SIN3B: variants seen among roughly 807,000 people sequenced by gnomAD.
SIN3B encodes the protein SIN3 transcription regulator family member B.
A neutral mutation model predicts 120.2 loss-of-function variants in SIN3B; 19 were observed. The observed-to-expected ratio is 0.16, with a 90% CI of 0.11 to 0.23. The LOEUF is 0.23. Ranked by LOEUF, SIN3B falls within the 10% of genes least tolerant of loss-of-function variation. The pLI is 1.00. For synonymous variants in SIN3B, 654 were observed against 653.2 expected, an observed-to-expected ratio of 1.00 and a Z score of -0.02; for missense variants, 1,073 against 1,573.0, an observed-to-expected ratio of 0.68 and a Z score of 5.38.
intron 2 of SIN3B, among the ~76,000 whole-genome samples, chr19:16,830,271 TTGA>T (rs1306800918): frequency 6.6e-6 from 1 of 152,208 alleles, no homozygotes; most frequent in East Asian, 1.9e-4. Flanking sequence ...TGTTATTGTC[TTGA>T]TGATTGAAAT....
intron 8 of SIN3B, among the ~76,000 whole-genome samples, chr19:16,858,058 G>A (rs1462461295): frequency 6.6e-6 from 1 of 151,992 alleles, no homozygotes; most frequent in Non-Finnish European, 1.5e-5. Flanking sequence ...TGTATTTTGA[G>A]TAGAGACAGA....
chr19:16,857,553 G>GTATATATA (rs1555742155), intron 8 of SIN3B, among the ~76,000 whole-genome samples: 125 of 139,544 alleles, frequency 9.0e-4, no homozygotes, highest in African/African-American at 3.2e-3. Context: ...GTGTGTGTGT[G>GTATATATA]TATATATACA....
At chr19:16,848,310 T>A (rs1971503634) in intron 5 of SIN3B, among the ~76,000 whole-genome samples, 1 of 152,144 alleles carries the variant, frequency 6.6e-6, no homozygotes, top group South Asian at 2.1e-4. Flanking sequence ...TGTTTTTGAC[T>A]TTTTGAAGAG....
In SIN3B at chr19:16,868,686, G is replaced by A. The variant is rs568839508; in HGVS notation, c.1807-774G>A. 1.5e-4 allele frequency among the ~76,000 whole-genome samples: 23 copies of A among 152,290 alleles called. No individual in the cohort carries two copies. In the South Asian group the frequency reaches 3.3e-3, roughly 22 times the overall value. ...GCTGTGGAGGGGCACATCAGGGGCC[G>A]GCGTCTTCTGAGCAGCCTGGGAAAG... On this transcript the variant is annotated intron_variant, in intron 12 of 18. Coordinates refer to ENST00000248054, the MANE Select transcript of SIN3B (RefSeq NM_001297595.2).
chr19:16,829,612 G>C, intron 1 of SIN3B, 72 bp downstream of exon 1: 1 of 1,224,752 alleles, frequency 8.2e-7, no homozygotes, highest in Non-Finnish European at 1.0e-6. Context: ...CCTCACCCAG[G>C]CCCCGCCCGG....
At chr19:16,875,387 T>G (rs1259861470) in intron 14 of SIN3B, among the ~76,000 whole-genome samples, 1 of 141,176 alleles carries the variant, frequency 7.1e-6, no homozygotes, top group Non-Finnish European at 1.5e-5. Flanking sequence ...TCTGGTCTGG[T>G]CTGTTTGGTC....
intron 8 of SIN3B, among the ~76,000 whole-genome samples, chr19:16,858,793 T>TA (rs1417108034): frequency 1.3e-5 from 2 of 151,950 alleles, no homozygotes; most frequent in East Asian, 1.9e-4. Context: ...CTACTAAAAA[T>TA]AAAAAAATTA....
At position 16,862,414 on chromosome 19, in the gene SIN3B, C is replaced by T. The variant is rs369206489; in HGVS notation, c.1121C>T (p.Ala374Val). The T allele has an allele frequency of 1.5e-5, 25 of 1,614,018 alleles. No individual in the cohort carries two copies. The highest frequency in any genetic ancestry group is 9.3e-5 in the African/African-American group (7 of 74,896). ...SFLGVKELSF[A>V]PPMSDRSGDG... ...CTGGGGGTAAAAGAGCTGTCCTTCGCGCCACCCATGAGCGACAGATCCGGG... is the reference window on the plus strand; with the variant it reads ...CTGGGGGTAAAAGAGCTGTCCTTCGTGCCACCCATGAGCGACAGATCCGGG... Residue 374 changes from alanine (A) to valine (V), a missense_variant, in exon 9 of 19, where the codon GCG becomes GTG. Around this residue, in one of 7 missense-constraint regions of SIN3B, gnomAD observed 395 missense variants for 528.0 expected, o/e 0.75. Coordinates refer to ENST00000248054, the MANE Select transcript of SIN3B (RefSeq NM_001297595.2). This position sits in a 1 kb window ranked among gnomAD's most constrained non-coding sequence, Gnocchi z 4.7.
intron 14 of SIN3B, among the ~76,000 whole-genome samples, chr19:16,872,203 GA>G (rs143792103): frequency 2.0e-5 from 3 of 151,758 alleles, no homozygotes; most frequent in Non-Finnish European, 4.4e-5. Flanking sequence ...AAAAAAGCTG[GA>G]AAAAAAATAA....
chr19:16,839,410 T>G (rs1053684302), intron 3 of SIN3B, among the ~76,000 whole-genome samples: 2 of 152,178 alleles, frequency 1.3e-5, no homozygotes, highest in African/African-American at 4.8e-5. Context: ...GTGGTGGCTG[T>G]ACCGTCCCAT....
chr19:16,878,678 C>G lies in SIN3B; in HGVS notation c.3344C>G (p.Pro1115Arg), dbSNP rs2051646624. 5.6e-6 allele frequency: 9 copies of G among 1,612,408 alleles called. No individual in the cohort carries two copies. The highest frequency in any genetic ancestry group is 7.6e-6 in the Non-Finnish European group (9 of 1,179,714). ...GAGACAGTGCACGTGCACGGCCTGC[C>G]CGTGACCCGCTACCGCGTGCAGTAC... ...LCETVHVHGLPVTRYRVQYSR... is the reference protein window; with the variant it reads ...LCETVHVHGLRVTRYRVQYSR... The change falls in exon 19 of 19, where the codon CCC (proline) becomes CGC (arginine). Residue 1115 changes from proline to arginine, a missense_variant. Transcript: ENST00000248054.
rs757962198 is a variant in SIN3B at position 16,869,753 on chromosome 19, G to A, written c.2100G>A (p.Lys700=). The A allele has an allele frequency of 6.2e-7, 1 of 1,613,342 alleles. No homozygotes were observed. The highest frequency in any genetic ancestry group is 1.7e-5 in the Admixed American group (1 of 60,022). The change falls in exon 13 of 19, where the codon AAG becomes AAA. Residue 700 remains lysine (K), a synonymous_variant. Transcript: ENST00000248054. The part of the protein sequence containing the change: ...GQTTDPSERK[K]PAPGPHSSPP... ...CCACAGACCCCAGTGAGCGGAAGAAGCCGGCGCCAGGACCCCACAGTAGCC... is the reference window on the plus strand; with the variant it reads ...CCACAGACCCCAGTGAGCGGAAGAAACCGGCGCCAGGACCCCACAGTAGCC...
chr19:16,841,580 G>A (rs1971417248), intron 3 of SIN3B, among the ~76,000 whole-genome samples, 188 bp from the exon 4 acceptor site: 1 of 152,062 alleles, frequency 6.6e-6, no homozygotes, highest in South Asian at 2.1e-4. Context: ...GGTGAGCTGG[G>A]AAGACTCACC....
rs147556379 is a variant in SIN3B at position 16,848,236 on chromosome 19, C to T, written c.726+1123C>T. Among the ~76,000 whole-genome samples, 493 of 152,298 alleles carry T rather than the reference C, an allele frequency of 3.2e-3. 1 individual carries two copies. The highest frequency in any genetic ancestry group is 5.3e-3 in the Non-Finnish European group (363 of 68,020). On this transcript the variant is annotated intron_variant, in intron 5 of 18. Transcript: ENST00000248054. The stretch of plus-strand genomic sequence containing the variant: ...CATTTATTGCACGGATTTGTTTGAA[C>T]ACCTGTTTTCAGTTCTTTTGGGTAG...
intron 2 of SIN3B, 49 bp from the exon 3 acceptor site, chr19:16,831,445 T>G: frequency 6.4e-7 from 1 of 1,574,484 alleles, no homozygotes; most frequent in Non-Finnish European, 8.7e-7. Context: ...GATTATATTT[T>G]TCATTTATTT....
At position 16,870,105 on chromosome 19, in the gene SIN3B, C is replaced by T. The variant is rs115749192; in HGVS notation, c.2422+30C>T. 2,106 of 1,533,912 alleles carry T rather than the reference C, an allele frequency of 1.4e-3. 30 individuals are homozygous for T. In the African/African-American group the frequency reaches 0.024, roughly 17 times the overall value. On this transcript the variant is annotated intron_variant, in intron 13 of 18. Coordinates refer to ENST00000248054, the MANE Select transcript of SIN3B (RefSeq NM_001297595.2). ...GGCTCCAAAGCCTGCCGGGAGGCCC[C>T]GGGGGGTGCCTGGGGTTAGGGGTCA...
At chr19:16,868,900 A>G (rs1324640710) in intron 12 of SIN3B, among the ~76,000 whole-genome samples, 2 of 152,260 alleles carry the variant, frequency 1.3e-5, no homozygotes, top group East Asian at 1.9e-4. Context: ...ATGGGCGTGC[A>G]GGTCTTCAGA....
At chr19:16,866,810 G>A (rs1395582162) in intron 12 of SIN3B, among the ~76,000 whole-genome samples, 1 of 152,214 alleles carries the variant, frequency 6.6e-6, no homozygotes, top group Non-Finnish European at 1.5e-5. Context: ...AGGCTGGAGT[G>A]CAGTGGTGTG....
intron 14 of SIN3B, among the ~76,000 whole-genome samples, chr19:16,873,301 AG>A (rs2051536659): frequency 6.6e-6 from 1 of 152,082 alleles, no homozygotes; most frequent in Non-Finnish European, 1.5e-5. Context: ...ATGAGGACTT[AG>A]TGAAACCCAT....
Sources: gnomAD v4.1 joint callset for allele counts (sites outside exome capture counted in the v4.1 genomes callset) on GRCh38, gnomAD v4.1.1 for gene constraint, gnomAD v4.1.1 regional missense constraint, Gnocchi (gnomAD v3.1) non-coding constraint, MANE v1.5 for transcripts, NCBI Gene and HGNC (gene_info 2026-07-23, HGNC 2026-07-21) for gene names.